Variants in IL16 observed in about 807,000 individuals in gnomAD.
IL16 encodes the protein pro-interleukin-16.
Under a neutral mutation model 110.1 loss-of-function variants are expected in IL16, and 67 were observed. That is an observed-to-expected ratio of 0.61 (90% confidence interval 0.50 to 0.75). IL16 has a LOEUF of 0.75. Ranked by LOEUF, IL16 falls within the 30% of genes least tolerant of loss-of-function variation. The pLI is 0.00. For missense variants in IL16, 1,545 were observed against 1,655.0 expected, an observed-to-expected ratio of 0.93 and a Z score of 1.15; for synonymous variants, 689 against 662.9, an observed-to-expected ratio of 1.04 and a Z score of -0.61.
At chr15:81,197,481 G>A (rs1187683054) in intron 1 of IL16, among the ~76,000 whole-genome samples, 1 of 152,140 alleles carries the variant, frequency 6.6e-6, no homozygotes, top group East Asian at 1.9e-4. Flanking sequence ...CTTGGCAATG[G>A]GGTGTGGAAG....
chr15:81,230,233 C>T (rs1322450865), intron 2 of IL16, among the ~76,000 whole-genome samples: 1 of 152,172 alleles, frequency 6.6e-6, no homozygotes, highest in Non-Finnish European at 1.5e-5. Context: ...ATTTATCAGA[C>T]TTAGAACTTT....
At chr15:81,219,094 A>G (rs1896531615) in intron 1 of IL16, among the ~76,000 whole-genome samples, 1 of 152,210 alleles carries the variant, frequency 6.6e-6, no homozygotes, top group Non-Finnish European at 1.5e-5. Context: ...CAGATCTGGC[A>G]TACAGAGCAA....
At chr15:81,262,772 A>C (rs1898208795) in intron 3 of IL16, among the ~76,000 whole-genome samples, 1 of 152,224 alleles carries the variant, frequency 6.6e-6, no homozygotes, top group South Asian at 2.1e-4. Flanking sequence ...TCTCTACTAA[A>C]AATACAAAAT....
chr15:81,258,044 C>T (rs1007399390), intron 2 of IL16, among the ~76,000 whole-genome samples: 1 of 152,068 alleles, frequency 6.6e-6, no homozygotes, highest in Non-Finnish European at 1.5e-5. Context: ...CACACACATA[C>T]AAGAATTATG....
chr15:81,292,450 A>C (rs1360918227), intron 11 of IL16, 106 bp from the exon 12 acceptor site: 1 of 1,510,032 alleles, frequency 6.6e-7, no homozygotes, highest in Non-Finnish European at 9.2e-7. Flanking sequence ...TAAGAAGCAG[A>C]TGGCCGATGT....
At chr15:81,299,171 G>A in intron 13 of IL16, 1 of 766,144 alleles carries the variant, frequency 1.3e-6, no homozygotes, top group Non-Finnish European at 2.3e-6. Context: ...GATACTGTGA[G>A]ATTAACTCCT....
intron 1 of IL16, among the ~76,000 whole-genome samples, chr15:81,199,060 T>A (rs868393164): frequency 0.011 from 1,527 of 140,670 alleles, 29 homozygotes; most frequent in African/African-American, 0.036. Flanking sequence ...TATATATATA[T>A]AAAATACATA....
chr15:81,296,093 A>G (rs750098031), intron 12 of IL16, among the ~76,000 whole-genome samples: 20 of 152,154 alleles, frequency 1.3e-4, no homozygotes, highest in Non-Finnish European at 2.6e-4. Context: ...TCTCTGGAAC[A>G]CTATTTTTCT....
intron 2 of IL16, among the ~76,000 whole-genome samples, chr15:81,234,865 TA>T (rs1897129461): frequency 6.6e-6 from 1 of 152,218 alleles, no homozygotes; most frequent in Non-Finnish European, 1.5e-5. Flanking sequence ...CCTTGACAAA[TA>T]TACCTTGATA....
intron 4 of IL16, 100 bp downstream of exon 4, chr15:81,265,901 T>C: frequency 8.7e-7 from 1 of 1,150,796 alleles, no homozygotes; most frequent in Non-Finnish European, 1.2e-6. Flanking sequence ...CAGTAGTTTT[T>C]TTGTCCGCAG....
intron 2 of IL16, among the ~76,000 whole-genome samples, chr15:81,243,095 T>C (rs925946938): frequency 2.1e-5 from 3 of 144,696 alleles, no homozygotes; most frequent in African/African-American, 5.1e-5. Context: ...TTTTCATATA[T>C]TGATGAATTC....
intron 9 of IL16, among the ~76,000 whole-genome samples, chr15:81,284,192 T>C (rs1899334400): frequency 6.6e-6 from 1 of 152,234 alleles, no homozygotes; most frequent in African/African-American, 2.4e-5. Context: ...CTATTTAATT[T>C]GTTACAATAC....
At chr15:81,243,476 T>A (rs1897423534) in intron 2 of IL16, among the ~76,000 whole-genome samples, 1 of 152,056 alleles carries the variant, frequency 6.6e-6, no homozygotes, top group South Asian at 2.1e-4. Flanking sequence ...TGAGCCACCA[T>A]GTCTGGCCAT....
At chr15:81,225,061 G>A (rs942829805) in intron 1 of IL16, among the ~76,000 whole-genome samples, 3 of 152,160 alleles carry the variant, frequency 2.0e-5, no homozygotes, top group Admixed American at 6.5e-5. Flanking sequence ...TCTATAGAAT[G>A]AGAAGCTCTG....
intron 1 of IL16, among the ~76,000 whole-genome samples, chr15:81,190,667 C>A (rs1040764180): frequency 6.6e-6 from 1 of 152,084 alleles, no homozygotes; most frequent in Non-Finnish European, 1.5e-5. Flanking sequence ...TGCAAACCTA[C>A]CCCCAAAGGC....
At chr15:81,297,643 T>G (rs1900054134) in intron 13 of IL16, among the ~76,000 whole-genome samples, 2 of 152,208 alleles carry the variant, frequency 1.3e-5, no homozygotes, top group Non-Finnish European at 2.9e-5. Flanking sequence ...GTCATTAGTA[T>G]GATTCTGAGC....
At position 81,313,435 on chromosome 15, in the gene IL16, T is replaced by C. The variant is rs748352965; in HGVS notation, c.*4637T>C. On this transcript the variant is annotated 3_prime_UTR_variant, in exon 19 of 19. Transcript: ENST00000683961. The stretch of plus-strand genomic sequence containing the variant: ...AGGCAACAGCAGAGCTGTGTTATGA[T>C]CTGCAGCAGAGGTGCTGGGGACGAG... 3 of 1,476,058 alleles carry C rather than the reference T, an allele frequency of 2.0e-6. No individual in the cohort carries two copies. The South Asian group carries it at 4.3e-5, about 21-fold the overall frequency. 91.4% of individuals were successfully genotyped at this position (1,476,058 alleles called of 1,614,324 possible).
rs779450740 is a variant in IL16 at position 81,285,833 on chromosome 15, A to G, written c.1332+3A>G. The G allele has an allele frequency of 5.2e-5, 84 of 1,613,910 alleles. No homozygotes were observed. Among genetic ancestry groups the G allele is most frequent in the Non-Finnish European group, 7.0e-5 (83 of 1,179,888 alleles). On this transcript the variant is annotated splice_donor_region_variant and intron_variant, in intron 10 of 18. Transcript: ENST00000683961. Reference sequence around the variant, plus strand: ...TTAGCCGACATCCAGACCCACAGGTAACACCCACTGGGTTATCCTCTTCTT... The same window carrying G: ...TTAGCCGACATCCAGACCCACAGGTGACACCCACTGGGTTATCCTCTTCTT...
chr15:81,265,058 T>C (rs1300215644), intron 3 of IL16, among the ~76,000 whole-genome samples: 2 of 152,064 alleles, frequency 1.3e-5, no homozygotes, highest in African/African-American at 4.8e-5. Flanking sequence ...GGTAGGGAGG[T>C]AGGGTAGAGT....
Sources: allele counts gnomAD v4.1 joint callset (sites outside exome capture counted in the v4.1 genomes callset), GRCh38; gene constraint gnomAD v4.1.1; transcripts MANE v1.5; gene names NCBI Gene and HGNC (gene_info 2026-07-23, HGNC 2026-07-21).